SPATA20: variants seen among roughly 807,000 people sequenced by gnomAD.
SPATA20 encodes the protein spermatogenesis-associated protein 20.
SPATA20 carries 74 observed loss-of-function variants against 98.9 expected under a neutral mutation model. The ratio of observed to expected loss-of-function variants is 0.75; its 90% CI spans 0.62 to 0.91. SPATA20 has a LOEUF of 0.91. Ranked by LOEUF, SPATA20 falls within the 40% of genes least tolerant of loss-of-function variation. The probability of loss-of-function intolerance (pLI) is 0.00; values close to 1 mark genes in which losing one functional copy is unlikely to be tolerated. For missense variants in SPATA20, 1,016 were observed against 1,069.8 expected (o/e 0.95, Z 0.70); for synonymous variants, 430 against 440.5 (o/e 0.98, Z 0.30).
chr17:50,549,330 C>A lies in SPATA20; in HGVS notation c.705C>A (p.Val235=), dbSNP rs1567909340. ...KNTLLENSQR[V]TTALLARSEI... ...CCCTGCTAGAAAATAGCCAGCGTGT[C>A]ACCACTGCCCTGCTGGCCCGATCAG... Residue 235 remains valine (V), a synonymous_variant, in exon 7 of 17, where the codon GTC becomes GTA. Coordinates refer to ENST00000006658, the MANE Select transcript of SPATA20 (RefSeq NM_022827.4). 1.1e-5 allele frequency: 17 copies of A among 1,612,554 alleles called. No individual in the cohort carries two copies. The highest frequency in any genetic ancestry group is 1.4e-5 in the Non-Finnish European group (17 of 1,179,928).
chr17:50,548,239 T>C, intron 2 of SPATA20, 44 bp from the exon 3 acceptor site: 1 of 1,599,314 alleles, frequency 6.3e-7, no homozygotes, highest in South Asian at 1.1e-5. Context: ...TGGGAGAAGG[T>C]GGGTGGAGGC....
At position 50,548,444 on chromosome 17, in the gene SPATA20, C is replaced by T. The variant is rs1301469770; in HGVS notation, c.287C>T (p.Pro96Leu). ...SPYLLQHAYNPVDWYPWGQEA... is the reference protein window; with the variant it reads ...SPYLLQHAYNLVDWYPWGQEA... ...TACCTCCTACAACATGCCTACAATC[C>T]TGTGGACTGGTGAGCACCTCTCCTG... Residue 96 changes from proline (P) to leucine (L), a missense_variant, in exon 3 of 17, where the codon CCT becomes CTT. By Grantham distance (98) the Pro-to-Leu change is moderately conservative (BLOSUM62 -3). Transcript: ENST00000006658. 6.2e-7 allele frequency: 1 copy of T among 1,613,944 alleles called. No homozygotes were observed. The highest frequency in any genetic ancestry group is 1.7e-5 in the Admixed American group (1 of 59,998).
chr17:50,555,724 G>A lies in SPATA20; in HGVS notation c.*62G>A. ...GCATCCCAACTGACTAGAGACTCAG[G>A]CCCTGCAGGGCCCTATAGAACCTGT... On this transcript the variant is annotated 3_prime_UTR_variant, in exon 17 of 17. Transcript: ENST00000006658. 6.9e-7 allele frequency: 1 copy of A among 1,453,844 alleles called. No individual in the cohort carries two copies. Among genetic ancestry groups the A allele is most frequent in the Non-Finnish European group, 9.4e-7 (1 of 1,068,454 alleles). 90.1% of individuals were successfully genotyped at this position (1,453,844 alleles called of 1,614,324 possible).
chr17:50,550,155 G>A, intron 8 of SPATA20, 40 bp downstream of exon 8: 1 of 1,612,486 alleles, frequency 6.2e-7, no homozygotes, highest in Non-Finnish European at 8.5e-7. Flanking sequence ...GCAGCAGGGG[G>A]CTGTGGGGTG....
At chr17:50,554,581 G>C (rs2035069511) in intron 15 of SPATA20, 131 bp downstream of exon 15, 7 of 885,978 alleles carry the variant, frequency 7.9e-6, no homozygotes, top group Non-Finnish European at 1.3e-5. Context: ...GCAGGCACGT[G>C]GCCTGTCAGA....
chr17:50,547,409 C>A, intron 1 of SPATA20, 124 bp downstream of exon 1: 1 of 825,040 alleles, frequency 1.2e-6, no homozygotes, highest in African/African-American at 1.7e-5. Context: ...GGCCCTTCCC[C>A]CACCCCACCT....
intron 14 of SPATA20, among the ~76,000 whole-genome samples, chr17:50,552,948 A>G (rs1471018255): frequency 1.3e-5 from 2 of 152,268 alleles, no homozygotes; most frequent in African/African-American, 2.4e-5. Context: ...TGCTTAGCAC[A>G]GTAACTGACA....
Position 50,551,571 on chromosome 17 carries a change from A to G in SPATA20, c.1637A>G (p.Asn546Ser), listed in dbSNP as rs368496628. 6 of 1,606,708 alleles carry G rather than the reference A, an allele frequency of 3.7e-6. No individual in the cohort carries two copies. Among genetic ancestry groups the G allele is most frequent in the Non-Finnish European group, 5.1e-6 (6 of 1,174,012 alleles). ...GAVLGQDRLI[N>S]YATNGAKFLK... Reference sequence around the variant, plus strand: ...GTCCTGGGCCAAGACAGGCTGATCAACTATGCCACCAATGGTGCCAAGTTC... The same window carrying G: ...GTCCTGGGCCAAGACAGGCTGATCAGCTATGCCACCAATGGTGCCAAGTTC... The change falls in exon 13 of 17, where the codon AAC (asparagine) becomes AGC (serine). Residue 546 changes from asparagine to serine, a missense_variant. Physicochemically the swap from Asn to Ser is conservative, Grantham distance 46. Coordinates refer to ENST00000006658, the MANE Select transcript of SPATA20 (RefSeq NM_022827.4).
At chr17:50,547,412 C>T (rs2144050773) in intron 1 of SPATA20, 127 bp downstream of exon 1, 2 of 809,376 alleles carry the variant, frequency 2.5e-6, no homozygotes, top group Admixed American at 2.9e-5. Context: ...CCTTCCCCCA[C>T]CCCACCTCCG....
At chr17:50,554,488 G>T in intron 15 of SPATA20, 38 bp downstream of exon 15, 1 of 1,597,534 alleles carries the variant, frequency 6.3e-7, no homozygotes, top group South Asian at 1.1e-5. Flanking sequence ...ACCTCGGGTA[G>T]GAGGGAAGTT....
chr17:50,549,624 C>T (rs879434584), intron 7 of SPATA20, 137 bp downstream of exon 7: 17 of 849,370 alleles, frequency 2.0e-5, no homozygotes, highest in Admixed American at 7.9e-5. Context: ...CCTAGCCTGT[C>T]GGTAGCTATC....
In SPATA20 at chr17:50,550,779, C is replaced by T. The variant is rs1251132119; in HGVS notation, c.1245C>T (p.Ala415=). Residue 415 remains alanine, a synonymous_variant, in exon 11 of 17, where the codon GCC becomes GCT. Transcript: ENST00000006658. ...PERGQRPKEG[A]YYVWTVKEVQ... ...GGGGCCAGCGGCCCAAAGAGGGCGC[C>T]TACTATGTGTGGACGGTCAAAGAGG... 8 of 1,613,042 alleles carry T rather than the reference C, an allele frequency of 5.0e-6. No homozygotes were observed. Among genetic ancestry groups the T allele is most frequent in the Non-Finnish European group, 6.8e-6 (8 of 1,180,042 alleles).
rs758136692 is a variant in SPATA20 at position 50,548,902 on chromosome 17, A to G, written c.454A>G (p.Ser152Gly). Residue 152 changes from serine to glycine, a missense_variant, in exon 5 of 17, where the codon AGT becomes GGT. Ser to Gly is a moderately conservative substitution (Grantham distance 56). Transcript: ENST00000006658. The stretch of plus-strand genomic sequence containing the variant: ...CCGCCTGCTCAGTGAGGACTTTGTG[A>G]GTGTGAAGGTAGACCGTGAGGAGCG... ...IGRLLSEDFVSVKVDREERPD... is the reference protein window; with the variant it reads ...IGRLLSEDFVGVKVDREERPD... 3 of 1,614,058 alleles carry G rather than the reference A, an allele frequency of 1.9e-6. No homozygotes were observed. The highest frequency in any genetic ancestry group is 2.5e-6 in the Non-Finnish European group (3 of 1,179,990).
intron 14 of SPATA20, among the ~76,000 whole-genome samples, chr17:50,553,562 T>C (rs2035049262): frequency 7.1e-6 from 1 of 140,554 alleles, no homozygotes; most frequent in Admixed American, 6.9e-5. Context: ...AAGCCGTCTT[T>C]TTTTTTTTTT....
Position 50,550,555 on chromosome 17 carries a change from A to G in SPATA20, c.1118A>G (p.Tyr373Cys). The change falls in exon 10 of 17, where the codon TAC becomes TGC. Residue 373 changes from tyrosine (Y) to cysteine (C), a missense_variant. By Grantham distance (194) the Tyr-to-Cys change is radical. Transcript: ENST00000006658. ...TCTTAGCTCTCTGGTGATGAATTCT[A>G]CTCTGACGTGGCCAAAGGCATCCTG... is the stretch of plus-strand genomic sequence containing the variant. ...QAFQLSGDEF[Y>C]SDVAKGILQY... 1 of 1,613,824 alleles carries G rather than the reference A, an allele frequency of 6.2e-7. No homozygotes were observed. Among genetic ancestry groups the G allele is most frequent in the South Asian group, 1.1e-5 (1 of 91,066 alleles).
At position 50,548,607 on chromosome 17, in the gene SPATA20, T is replaced by G. The variant is rs1217088377; in HGVS notation, c.350T>G (p.Ile117Ser). 6.2e-7 allele frequency: 1 copy of G among 1,613,100 alleles called. No homozygotes were observed. Among genetic ancestry groups the G allele is most frequent in the Non-Finnish European group, 8.5e-7 (1 of 1,179,816 alleles). Residue 117 changes from isoleucine (I) to serine (S), a missense_variant, in exon 4 of 17, where the codon ATT becomes AGT. Ile to Ser is a moderately radical substitution (Grantham distance 142). Transcript: ENST00000006658. ...AAGGCCAGGAAGGAAAACAAGCCGA[T>G]TTTCCTCTCAGGTAATGCTCCCACC... Reference protein sequence around the residue: ...FDKARKENKPIFLSVGYSTCH... With the variant: ...FDKARKENKPSFLSVGYSTCH...
rs200298467 is a variant in SPATA20 at position 50,547,774 on chromosome 17, G to A, written c.125+7G>A. The A allele has an allele frequency of 4.1e-5, 32 of 787,626 alleles. 1 individual carries two copies. The East Asian group carries it at 6.8e-4, about 17-fold the overall frequency. 48.8% of individuals were successfully genotyped at this position (787,626 alleles called of 1,614,324 possible). A position where few individuals can be genotyped will look rare whatever the true frequency, so the allele number is the denominator to read the frequency against. On this transcript the variant is annotated splice_region_variant and intron_variant, in intron 2 of 16. Coordinates refer to ENST00000006658, the MANE Select transcript of SPATA20 (RefSeq NM_022827.4). Reference sequence around the variant, plus strand: ...CCCACAGGAGTCCCAGCAGGTGGGCGCTGAGTGAGGGAGTCCCCATGTCTG... The same window carrying A: ...CCCACAGGAGTCCCAGCAGGTGGGCACTGAGTGAGGGAGTCCCCATGTCTG...
chr17:50,547,268 C>A lies in SPATA20; in HGVS notation c.60C>A (p.Gly20=). 1 of 1,385,392 alleles carries A rather than the reference C, an allele frequency of 7.2e-7. No homozygotes were observed. The highest frequency in any genetic ancestry group is 1.5e-5 in the African/African-American group (1 of 66,406). 85.8% of individuals were successfully genotyped at this position (1,385,392 alleles called of 1,614,324 possible). A position where few individuals can be genotyped will look rare whatever the true frequency, so the allele number is the denominator to read the frequency against. ...RVLLLPRAGA[G]LAASRRCPGV... ...TTCTGCTGCCCCGCGCCGGTGCAGG[C>A]CTCGCCGCGAGCCGCAGGTACGGGC... Residue 20 remains glycine (G), a synonymous_variant, in exon 1 of 17, where the codon GGC becomes GGA. Coordinates refer to ENST00000006658, the MANE Select transcript of SPATA20 (RefSeq NM_022827.4).
rs1040071357 is a variant in SPATA20, at chr17:50,547,251, C to T, written c.43C>T (p.Pro15Ser). 1 of 1,399,794 alleles carries T rather than the reference C, an allele frequency of 7.1e-7. No individual in the cohort carries two copies. The allele number at this position is 1,399,794 out of a possible 1,614,324, so 86.7% of individuals were successfully genotyped here. Reference protein sequence around the residue: ...RAWLGRVLLLPRAGAGLAASR... With the variant: ...RAWLGRVLLLSRAGAGLAASR... ...CTGGTTGGGCCGCGTCCTTCTGCTG[C>T]CCCGCGCCGGTGCAGGCCTCGCCGC... The change falls in exon 1 of 17, where the codon CCC becomes TCC. Residue 15 changes from proline to serine, a missense_variant. Transcript: ENST00000006658.
Sources: gnomAD v4.1 joint callset for allele counts (sites outside exome capture counted in the v4.1 genomes callset) on GRCh38, gnomAD v4.1.1 for gene constraint, MANE v1.5 for transcripts, NCBI Gene and HGNC (gene_info 2026-07-23, HGNC 2026-07-21) for gene names.